Variants in TRPM3 observed in about 807,000 individuals in gnomAD.
TRPM3 encodes the protein long transient receptor potential channel 3.
A neutral mutation model predicts 181.2 loss-of-function variants in TRPM3; 77 were observed. That is an observed-to-expected ratio of 0.42 (90% CI 0.35 to 0.51). The LOEUF (loss-of-function observed/expected upper bound fraction) is 0.51. Ranked by LOEUF, TRPM3 falls within the 20% of genes least tolerant of loss-of-function variation. The pLI is 0.01. For synonymous variants in TRPM3, 745 were observed against 796.4 expected, an observed-to-expected ratio of 0.94 and a Z score of 1.09; for missense variants, 1,759 against 2,196.7, an observed-to-expected ratio of 0.80 and a Z score of 3.98.
At chr9:71,375,146 A>G (rs928222492) in intron 1 of TRPM3, among the ~76,000 whole-genome samples, 3 of 151,930 alleles carry the variant, frequency 2.0e-5, no homozygotes, top group African/African-American at 7.2e-5. Context: ...TAGCCAAACC[A>G]AAACAGCATG....
At chr9:70,965,341 A>T (rs1379429270) in intron 1 of TRPM3, among the ~76,000 whole-genome samples, 1 of 152,230 alleles carries the variant, frequency 6.6e-6, no homozygotes, top group African/African-American at 2.4e-5. Context: ...GCTAAGTTTA[A>T]ATTAGAACTG....
chr9:71,127,422 G>A (rs2074111342), intron 1 of TRPM3, among the ~76,000 whole-genome samples: 1 of 152,074 alleles, frequency 6.6e-6, no homozygotes, highest in African/African-American at 2.4e-5. Flanking sequence ...TTCAAGAAAT[G>A]AGGAGGGACT....
intron 7 of TRPM3, among the ~76,000 whole-genome samples, chr9:70,778,406 C>T (rs1265921895): frequency 6.6e-6 from 1 of 152,128 alleles, no homozygotes; most frequent in African/African-American, 2.4e-5. Flanking sequence ...AGGGCCCTGC[C>T]TTATTCATCT....
At chr9:70,851,844 G>A (rs992536879) in intron 3 of TRPM3, among the ~76,000 whole-genome samples, 3 of 152,118 alleles carry the variant, frequency 2.0e-5, no homozygotes, top group Admixed American at 6.5e-5. Context: ...CCGGCCAGGC[G>A]CAGTGACTCA....
intron 1 of TRPM3, among the ~76,000 whole-genome samples, chr9:71,442,453 A>G (rs2094148022): frequency 6.6e-6 from 1 of 152,150 alleles, no homozygotes; most frequent in African/African-American, 2.4e-5. Flanking sequence ...AAATACATAC[A>G]TGCTAAGTGC....
At chr9:71,110,812 C>T (rs2070906685) in intron 1 of TRPM3, among the ~76,000 whole-genome samples, 1 of 152,180 alleles carries the variant, frequency 6.6e-6, no homozygotes, top group Non-Finnish European at 1.5e-5. Context: ...TAGTTATACT[C>T]ATCTTTAAAT....
intron 1 of TRPM3, among the ~76,000 whole-genome samples, chr9:71,373,241 A>G (rs1357985479): frequency 6.6e-6 from 1 of 151,876 alleles, no homozygotes; most frequent in African/African-American, 2.4e-5. Context: ...ACAAACCCCT[A>G]TGCTAGCAGA....
chr9:71,159,174 G>A (rs978914644), intron 1 of TRPM3, among the ~76,000 whole-genome samples: 2 of 149,820 alleles, frequency 1.3e-5, no homozygotes, highest in Non-Finnish European at 3.0e-5. Flanking sequence ...TTGGTTTTAC[G>A]GTGTGTGTGT....
chr9:71,438,081 T>C (rs185157151), intron 1 of TRPM3, among the ~76,000 whole-genome samples: 7 of 152,078 alleles, frequency 4.6e-5, no homozygotes, highest in East Asian at 1.9e-4. Context: ...GGAAATACAA[T>C]GGACAGAGAA....
At chr9:70,785,254 C>T (rs115789361) in intron 6 of TRPM3, among the ~76,000 whole-genome samples, 1,786 of 152,246 alleles carry the variant, frequency 0.012, 46 homozygotes, top group African/African-American at 0.04. Flanking sequence ...GTGAAAATTG[C>T]TTTAATTGCT....
intron 1 of TRPM3, among the ~76,000 whole-genome samples, chr9:71,396,699 C>T: frequency 6.6e-6 from 1 of 151,382 alleles, no homozygotes. Context: ...TGGTGGCTCA[C>T]ACCTGTAAAT....
At chr9:71,445,719 A>T (rs906904022) in intron 1 of TRPM3, among the ~76,000 whole-genome samples, 4 of 152,182 alleles carry the variant, frequency 2.6e-5, no homozygotes, top group African/African-American at 9.7e-5. Context: ...TCTCTCTTTT[A>T]ATTAAATCAA....
Position 70,625,559 on chromosome 9 carries a change from C to A in TRPM3, c.1633-42G>T. ...AAGTTAAATAAGAAGATGCAGTAAT[C>A]GTCGGCAATAATAGAAAATCAAAAT... On this transcript the variant is annotated intron_variant, in intron 12 of 25. Transcript: ENST00000677713. This position sits in a 1 kb window ranked among gnomAD's most constrained non-coding sequence, Gnocchi z 4.8. 1.3e-6 allele frequency: 2 copies of A among 1,580,694 alleles called. No individual in the cohort carries two copies. The highest frequency in any genetic ancestry group is 2.3e-5 in the South Asian group (2 of 86,498).
chr9:71,092,823 A>G lies in TRPM3; in HGVS notation c.177+28355T>C, dbSNP rs535822954. On this transcript the variant is annotated intron_variant, in intron 1 of 25. Coordinates refer to ENST00000677713, the MANE Select transcript of TRPM3 (RefSeq NM_001366145.2). The stretch of plus-strand genomic sequence containing the variant: ...GTTTAAAAATATTTGGTTGCCTCCC[A>G]TCATGCTACCTAACTTCAAATTACA... Among the ~76,000 whole-genome samples, 3 of 152,274 alleles carry G rather than the reference A, an allele frequency of 2.0e-5. No individual in the cohort carries two copies. The East Asian group carries it at 5.8e-4, about 29-fold the overall frequency.
intron 1 of TRPM3, among the ~76,000 whole-genome samples, chr9:71,127,141 C>G (rs1033092317): frequency 5.9e-5 from 9 of 152,064 alleles, no homozygotes; most frequent in Non-Finnish European, 1.2e-4. Context: ...ATAGTAGTCT[C>G]TTAATCCTCT....
intron 3 of TRPM3, among the ~76,000 whole-genome samples, chr9:70,856,906 C>T (rs11142625): frequency 0.36 from 55,373 of 151,912 alleles, 10,497 homozygotes; most frequent in Non-Finnish European, 0.39. Flanking sequence ...GAAGAGATGA[C>T]TAGTAAGAAA....
In TRPM3 at chr9:70,533,638, C is replaced by T. The variant is rs139296004; in HGVS notation, c.*2315G>A. ...AGAGCCTAGAGTTATCGTAGAGCCTCGTAGGGATTCATGACTCAAGGAAGT... is the reference window on the plus strand; with the variant it reads ...AGAGCCTAGAGTTATCGTAGAGCCTTGTAGGGATTCATGACTCAAGGAAGT... On this transcript the variant is annotated 3_prime_UTR_variant, in exon 26 of 26. Coordinates refer to ENST00000677713, the MANE Select transcript of TRPM3 (RefSeq NM_001366145.2). The T allele has an allele frequency of 9.2e-5, 14 of 151,946 alleles. No individual in the cohort carries two copies. The highest frequency in any genetic ancestry group is 2.7e-4 in the African/African-American group (11 of 41,426). 9.4% of individuals were successfully genotyped at this position (151,946 alleles called of 1,614,324 possible).
chr9:70,894,699 G>A lies in TRPM3; in HGVS notation c.178-30188C>T, dbSNP rs114588669. Among the ~76,000 whole-genome samples the A allele has an allele frequency of 8.6e-3, 1,303 of 152,146 alleles. 22 individuals are homozygous for A. Among genetic ancestry groups the A allele is most frequent in the African/African-American group, 0.03 (1,232 of 41,490 alleles). Reference sequence around the variant, plus strand: ...CCAGGACTCAGATCTACATCTATTTGGGCTGTCATACAGAATTGCCATAAT... The same window carrying A: ...CCAGGACTCAGATCTACATCTATTTAGGCTGTCATACAGAATTGCCATAAT... On this transcript the variant is annotated intron_variant, in intron 1 of 25. Transcript: ENST00000677713.
intron 1 of TRPM3, among the ~76,000 whole-genome samples, chr9:70,992,590 A>G (rs542361861): frequency 1.3e-5 from 2 of 152,328 alleles, no homozygotes; most frequent in South Asian, 2.1e-4. Flanking sequence ...GCACTGTACA[A>G]TACAGTAGCT....
Sources: allele counts gnomAD v4.1 joint callset (sites outside exome capture counted in the v4.1 genomes callset), GRCh38; gene constraint gnomAD v4.1.1; non-coding constraint Gnocchi (gnomAD v3.1); transcripts MANE v1.5; gene names NCBI Gene and HGNC (gene_info 2026-07-23, HGNC 2026-07-21).